Variants in SUGCT observed in about 807,000 individuals in gnomAD.
The protein encoded by SUGCT is succinyl-CoA:glutarate CoA-transferase.
A neutral mutation model predicts 55.0 loss-of-function variants in SUGCT; 41 were observed. That is an observed-to-expected ratio of 0.74 (90% CI 0.58 to 0.97). The LOEUF is 0.97. Ranked by LOEUF, SUGCT falls within the 50% of genes least tolerant of loss-of-function variation. The probability of loss-of-function intolerance (pLI) is 0.00; values close to 1 mark genes in which losing one functional copy is unlikely to be tolerated. For synonymous variants in SUGCT, 187 were observed against 200.4 expected, an observed-to-expected ratio of 0.93 and a Z score of 0.56; for missense variants, 568 against 547.8, an observed-to-expected ratio of 1.04 and a Z score of -0.37.
intron 12 of SUGCT, among the ~76,000 whole-genome samples, chr7:40,572,643 G>A (rs1273744635): frequency 6.6e-6 from 1 of 152,102 alleles, no homozygotes; most frequent in Non-Finnish European, 1.5e-5. Flanking sequence ...AATCCTTCAC[G>A]CCTCTGGAAT....
intron 9 of SUGCT, among the ~76,000 whole-genome samples, chr7:40,374,977 G>T (rs1386455721): frequency 2.0e-5 from 3 of 152,130 alleles, no homozygotes; most frequent in African/African-American, 7.2e-5. Context: ...ATGTTAGTTG[G>T]GTGGCCGACA....
chr7:40,685,277 C>G (rs1198693181), intron 12 of SUGCT, among the ~76,000 whole-genome samples: 2 of 152,120 alleles, frequency 1.3e-5, no homozygotes, highest in African/African-American at 4.8e-5. Context: ...CTGTGTGATA[C>G]AATATTTAAA....
chr7:40,205,292 A>G (rs979054463), intron 6 of SUGCT, among the ~76,000 whole-genome samples: 2 of 151,690 alleles, frequency 1.3e-5, no homozygotes, highest in East Asian at 1.9e-4. Context: ...GGGAAAAGGA[A>G]AAAGGAAAAT....
At chr7:40,947,222 C>G in the SUGCT span, among the ~76,000 whole-genome samples, 5 of 152,162 alleles carry the variant, frequency 3.3e-5, no homozygotes, top group African/African-American at 4.8e-5. Flanking sequence ...CTCAAATCTG[C>G]TGTTGTGCCA....
intron 12 of SUGCT, among the ~76,000 whole-genome samples, chr7:40,718,665 A>C (rs1000647601): frequency 6.6e-6 from 1 of 152,260 alleles, no homozygotes; most frequent in Non-Finnish European, 1.5e-5. Context: ...TATTACTACC[A>C]GCAGTTTGGA....
chr7:40,872,560 C>T, the SUGCT span, among the ~76,000 whole-genome samples: 1 of 152,270 alleles, frequency 6.6e-6, no homozygotes, highest in African/African-American at 2.4e-5. Flanking sequence ...GGCCGCATCC[C>T]CCTCTGGGCC....
At chr7:40,904,000 G>C in the SUGCT span, among the ~76,000 whole-genome samples, 1 of 152,132 alleles carries the variant, frequency 6.6e-6, no homozygotes, top group South Asian at 2.1e-4. Flanking sequence ...CAAGCTTGGC[G>C]CAGCTTACAT....
chr7:40,997,394 C>T, the SUGCT span, among the ~76,000 whole-genome samples: 1 of 152,170 alleles, frequency 6.6e-6, no homozygotes, highest in African/African-American at 2.4e-5. Flanking sequence ...GCTCCATTCT[C>T]CACATGGCAA....
intron 7 of SUGCT, among the ~76,000 whole-genome samples, chr7:40,268,668 G>A (rs1320049089): frequency 6.8e-6 from 1 of 147,694 alleles, no homozygotes; most frequent in Admixed American, 6.8e-5. Context: ...TTTTTTTTCC[G>A]AGTTGGAGTC....
chr7:40,328,474 G>T (rs1428107667), intron 9 of SUGCT, among the ~76,000 whole-genome samples: 3 of 152,076 alleles, frequency 2.0e-5, no homozygotes, highest in Non-Finnish European at 4.4e-5. Context: ...GACAGAGCTG[G>T]GATGGGAAGG....
At chr7:40,798,966 T>C (rs1184450048) in intron 13 of SUGCT, among the ~76,000 whole-genome samples, 2 of 152,206 alleles carry the variant, frequency 1.3e-5, no homozygotes. Context: ...CCCAGTGCCA[T>C]TGCAAATCCC....
chr7:40,276,715 C>T (rs1387983873), intron 8 of SUGCT, among the ~76,000 whole-genome samples: 2 of 152,078 alleles, frequency 1.3e-5, no homozygotes, highest in Admixed American at 1.3e-4. Flanking sequence ...CACCATAGGG[C>T]TGCTTCAAAG....
intron 12 of SUGCT, among the ~76,000 whole-genome samples, chr7:40,510,729 T>C (rs1562827325): frequency 6.6e-6 from 1 of 152,122 alleles, no homozygotes; most frequent in Non-Finnish European, 1.5e-5. Flanking sequence ...CGGAATAAAA[T>C]AAGTATTCAT....
chr7:40,410,628 T>TAA (rs1786620224), intron 9 of SUGCT, among the ~76,000 whole-genome samples: 1 of 152,244 alleles, frequency 6.6e-6, no homozygotes, highest in African/African-American at 2.4e-5. Context: ...TTTTTTGTCT[T>TAA]ACCTAACTTC....
the SUGCT span, among the ~76,000 whole-genome samples, chr7:40,996,333 A>G: frequency 6.6e-6 from 1 of 152,102 alleles, no homozygotes; most frequent in Non-Finnish European, 1.5e-5. Context: ...TGCACGTGAA[A>G]TTTGCAGCCT....
chr7:40,612,488 T>A (rs901617905), intron 12 of SUGCT, among the ~76,000 whole-genome samples: 1 of 152,184 alleles, frequency 6.6e-6, no homozygotes, highest in Non-Finnish European at 1.5e-5. Context: ...TTTGTTTACT[T>A]TGGCAAACCA....
chr7:40,559,041 A>G (rs1470677867), intron 12 of SUGCT, among the ~76,000 whole-genome samples: 3 of 152,244 alleles, frequency 2.0e-5, no homozygotes, highest in African/African-American at 7.2e-5. Context: ...AAAATTCTTT[A>G]GGTTTACTCA....
chr7:40,194,441 G>A (rs145594919), intron 5 of SUGCT, among the ~76,000 whole-genome samples: 9 of 151,814 alleles, frequency 5.9e-5, no homozygotes, highest in Non-Finnish European at 1.2e-4. Flanking sequence ...TTGTAGAGAT[G>A]GGATTTTGCC....
intron 12 of SUGCT, among the ~76,000 whole-genome samples, chr7:40,555,519 C>T (rs117649796): frequency 0.013 from 1,950 of 152,192 alleles, 36 homozygotes; most frequent in South Asian, 0.023. Flanking sequence ...TGAGCTTTCA[C>T]AGGCCCATGA....
Sources: gnomAD v4.1 joint callset for allele counts (sites outside exome capture counted in the v4.1 genomes callset) on GRCh38, gnomAD v4.1.1 for gene constraint, MANE v1.5 for transcripts, NCBI Gene and HGNC (gene_info 2026-07-23, HGNC 2026-07-21) for gene names.